EDARADD: variants seen among roughly 807,000 people sequenced by gnomAD.
EDARADD encodes EDAR associated via death domain.
Under a neutral mutation model 25.6 loss-of-function variants are expected in EDARADD, and 20 were observed. That is an observed-to-expected ratio of 0.78 (90% confidence interval 0.55 to 1.14). The LOEUF (loss-of-function observed/expected upper bound fraction) is 1.14, where lower values mean the gene tolerates loss of function less well. EDARADD is among the 50% of genes most tolerant of loss of function. The pLI is 0.00. For synonymous variants in EDARADD, 86 were observed against 94.4 expected (o/e 0.91, Z 0.52); for missense variants, 225 against 270.1 (o/e 0.83, Z 1.17).
intron 4 of EDARADD, among the ~76,000 whole-genome samples, chr1:236,463,585 C>T (rs1253604): frequency 0.032 from 4,932 of 152,284 alleles, 274 homozygotes; most frequent in East Asian, 0.21. Context: ...GCCACTGTGC[C>T]GGGCCCATTT....
chr1:236,464,427 T>C (rs12748072), intron 4 of EDARADD, among the ~76,000 whole-genome samples: 16,169 of 77,020 alleles, frequency 0.21, 1,211 homozygotes, highest in Middle Eastern at 0.28. Context: ...CTGCAACTTT[T>C]TTTTTTTTTT....
chr1:236,365,870 A>G (rs1667107990), intron 3 of EDARADD, among the ~76,000 whole-genome samples: 1 of 152,104 alleles, frequency 6.6e-6, no homozygotes, highest in Non-Finnish European at 1.5e-5. Flanking sequence ...CAAATTCACT[A>G]ACCTTTTTTC....
chr1:236,434,881 C>T (rs568196079), intron 4 of EDARADD, among the ~76,000 whole-genome samples: 1 of 151,804 alleles, frequency 6.6e-6, no homozygotes, highest in African/African-American at 2.4e-5. Flanking sequence ...GGCTTAAAAG[C>T]CTGTGCCTGG....
chr1:236,376,065 A>G (rs1667220721), intron 3 of EDARADD, among the ~76,000 whole-genome samples: 2 of 149,990 alleles, frequency 1.3e-5, no homozygotes, highest in Middle Eastern at 3.5e-3. Flanking sequence ...CTCCCAAGTG[A>G]CTGGGATTAC....
At chr1:236,432,939 A>AAAC (rs1471224558) in intron 4 of EDARADD, among the ~76,000 whole-genome samples, 30 of 150,686 alleles carry the variant, frequency 2.0e-4, no homozygotes, top group African/African-American at 7.4e-4. Context: ...AAAAAAAAAA[A>AAAC]AGAAAGAAAG....
intron 4 of EDARADD, among the ~76,000 whole-genome samples, chr1:236,448,699 A>G (rs2103026001): frequency 6.6e-6 from 1 of 152,322 alleles, no homozygotes; most frequent in African/African-American, 2.4e-5. Context: ...CCGCCCTGCT[A>G]TGCAAATTTC....
At chr1:236,428,943 G>C (rs1338824581) in intron 4 of EDARADD, among the ~76,000 whole-genome samples, 2 of 152,072 alleles carry the variant, frequency 1.3e-5, no homozygotes, top group Admixed American at 6.5e-5. Flanking sequence ...AGACACGCCC[G>C]GCCAACAGGG....
At chr1:236,437,672 C>T (rs756632428) in intron 4 of EDARADD, among the ~76,000 whole-genome samples, 2 of 151,512 alleles carry the variant, frequency 1.3e-5, no homozygotes, top group Non-Finnish European at 2.9e-5. Context: ...GTGACTTAAA[C>T]TTACCATCAT....
chr1:236,459,527 C>T (rs1658981849), intron 4 of EDARADD, among the ~76,000 whole-genome samples: 1 of 151,502 alleles, frequency 6.6e-6, no homozygotes, highest in Admixed American at 6.6e-5. Flanking sequence ...GAAAGATCTA[C>T]AGGTCAAGAA....
intron 3 of EDARADD, among the ~76,000 whole-genome samples, chr1:236,376,251 G>A (rs111835458): frequency 3.0e-4 from 45 of 151,946 alleles, no homozygotes; most frequent in Non-Finnish European, 5.4e-4. Context: ...CACTTTTTTC[G>A]AAAGATCTTC....
chr1:236,407,805 A>G (rs939426379), intron 1 of EDARADD, among the ~76,000 whole-genome samples: 5 of 152,240 alleles, frequency 3.3e-5, no homozygotes, highest in African/African-American at 1.2e-4. Context: ...TCTAATTTGT[A>G]CTAATTAGGT....
At chr1:236,363,005 AAATATATATAT>A (rs1352314736) in intron 3 of EDARADD, among the ~76,000 whole-genome samples, 3 of 87,628 alleles carry the variant, frequency 3.4e-5, no homozygotes, top group African/African-American at 1.4e-4. Context: ...AAAAAAAAAA[AAATATATATAT>A]ATATATATAT....
At chr1:236,475,547 G>A (rs752548913) in intron 5 of EDARADD, among the ~76,000 whole-genome samples, 1 of 152,048 alleles carries the variant, frequency 6.6e-6, no homozygotes, top group Non-Finnish European at 1.5e-5. Flanking sequence ...GGCAGATCAC[G>A]GGGTCAGGAG....
At chr1:236,400,658 A>G (rs1330700185) in intron 1 of EDARADD, among the ~76,000 whole-genome samples, 1 of 151,278 alleles carries the variant, frequency 6.6e-6, no homozygotes, top group Non-Finnish European at 1.5e-5. Flanking sequence ...GGGCTCAAGC[A>G]ATCCTCCCAC....
intron 5 of EDARADD, among the ~76,000 whole-genome samples, chr1:236,470,461 T>C (rs1444208285): frequency 2.0e-5 from 3 of 152,226 alleles, no homozygotes; most frequent in African/African-American, 4.8e-5. Flanking sequence ...AGAAATTTGT[T>C]TAGAAATATT....
At chr1:236,467,426 G>GCGCACA (rs769138940) in intron 4 of EDARADD, among the ~76,000 whole-genome samples, 11 of 138,944 alleles carry the variant, frequency 7.9e-5, no homozygotes, top group Non-Finnish European at 1.4e-4. Flanking sequence ...ACACACACGC[G>GCGCACA]CACACACACA....
chr1:236,449,160 G>A lies in EDARADD; in HGVS notation c.220-19071G>A, dbSNP rs541736760. 8.9e-4 allele frequency among the ~76,000 whole-genome samples: 136 copies of A among 152,240 alleles called. 1 individual carries two copies. The highest frequency in any genetic ancestry group is 3.0e-3 in the African/African-American group (124 of 41,546). On this transcript the variant is annotated intron_variant, in intron 4 of 5. Coordinates refer to ENST00000334232, the MANE Select transcript of EDARADD (RefSeq NM_145861.4). ...CGCAACCTCTGCCTGTTCTCCCTGT[G>A]TTCAGGCCTGTCTCCAAATGTCCCG...
chr1:236,352,693 C>G (rs35003154), intron 3 of EDARADD, among the ~76,000 whole-genome samples: 23,420 of 152,102 alleles, frequency 0.15, 2,306 homozygotes, highest in East Asian at 0.43. Flanking sequence ...ACTAAAAATA[C>G]AAAAATTAGC....
At position 236,482,931 on chromosome 1, in the gene EDARADD, C is replaced by A. The variant is rs1659720084; in HGVS notation, c.*282C>A. On this transcript the variant is annotated 3_prime_UTR_variant, in exon 6 of 6. Transcript: ENST00000334232. ...CAAAGTCCTACAATCGGAATGGATT[C>A]ATGCCACGTTGAAGATAAAATTATC... 8.3e-6 allele frequency: 5 copies of A among 604,454 alleles called. No individual in the cohort carries two copies. Among genetic ancestry groups the A allele is most frequent in the Middle Eastern group, 8.8e-4 (2 of 2,282 alleles). 37.4% of individuals were successfully genotyped at this position (604,454 alleles called of 1,614,324 possible). A position where few individuals can be genotyped will look rare whatever the true frequency, so the allele number is the denominator to read the frequency against.
Sources: gnomAD v4.1 joint callset for allele counts (sites outside exome capture counted in the v4.1 genomes callset) on GRCh38, gnomAD v4.1.1 for gene constraint, MANE v1.5 for transcripts, NCBI Gene and HGNC (gene_info 2026-07-23, HGNC 2026-07-21) for gene names.